DDOST: variants seen among roughly 807,000 people sequenced by gnomAD.
DDOST encodes the protein dolichyl-diphosphooligosaccharide--protein glycosyltransferase non-catalytic subunit.
A neutral mutation model predicts 47.6 loss-of-function variants in DDOST; 25 were observed. The observed-to-expected ratio is 0.53, with a 90% CI of 0.38 to 0.73. The LOEUF (loss-of-function observed/expected upper bound fraction) is 0.73. Ranked by LOEUF, DDOST falls within the 30% of genes least tolerant of loss-of-function variation. DDOST has a pLI of 0.00. For synonymous variants in DDOST, 275 were observed against 236.0 expected (o/e 1.17, Z -1.51); for missense variants, 526 against 573.9 (o/e 0.92, Z 0.85).
intron 8 of DDOST, chr1:20,653,228 A>G: frequency 3.6e-6 from 2 of 557,790 alleles, no homozygotes; most frequent in Non-Finnish European, 6.4e-6. Context: ...ATGGCCCATC[A>G]AAGTCTGGAC....
intron 6 of DDOST, 52 bp downstream of exon 6, chr1:20,654,562 T>G (rs1359218077): frequency 9.4e-6 from 14 of 1,484,408 alleles, no homozygotes; most frequent in Non-Finnish European, 1.3e-5. Flanking sequence ...CAGCCAAATG[T>G]GCTGTTCTGC....
chr1:20,661,132 C>A, intron 1 of DDOST, 65 bp downstream of exon 1: 1 of 1,554,384 alleles, frequency 6.4e-7, no homozygotes, highest in South Asian at 1.1e-5. Flanking sequence ...GGAGAGTGGT[C>A]AATGCCCTCG....
At position 20,652,647 on chromosome 1, in the gene DDOST, A is replaced by G; in HGVS notation, c.1144T>C (p.Tyr382His). 6.2e-7 allele frequency: 1 copy of G among 1,614,212 alleles called. No homozygotes were observed. Among genetic ancestry groups the G allele is most frequent in the Non-Finnish European group, 8.5e-7 (1 of 1,180,018 alleles). Residue 382 changes from tyrosine (Y) to histidine (H), a missense_variant, in exon 10 of 11, where the codon TAC (tyrosine) becomes CAC (histidine). Coordinates refer to ENST00000602624, the MANE Select transcript of DDOST (RefSeq NM_005216.5). Reference sequence around the variant, plus strand: ...TGAGTGGAAGAGTACAGGTGTGTGTAGCCTAGCCGGTTGTAATCCACTTTA... The same window carrying G: ...TGAGTGGAAGAGTACAGGTGTGTGTGGCCTAGCCGGTTGTAATCCACTTTA... ...QFKVDYNRLG[Y>H]THLYSSTQVS...
At chr1:20,655,333 T>C in intron 5 of DDOST, 107 bp downstream of exon 5, 2 of 795,900 alleles carry the variant, frequency 2.5e-6, no homozygotes, top group Non-Finnish European at 4.3e-6. Flanking sequence ...ATTAATCCCA[T>C]CTACGTACCC....
At chr1:20,655,590 A>G (rs2053363130) in intron 4 of DDOST, 56 bp from the exon 5 acceptor site, 1 of 1,589,468 alleles carries the variant, frequency 6.3e-7, no homozygotes, top group Non-Finnish European at 8.6e-7. Context: ...CAAGCCAGGG[A>G]GAACCTCCTC....
intron 8 of DDOST, 91 bp downstream of exon 8, chr1:20,653,536 G>T: frequency 7.5e-7 from 1 of 1,325,550 alleles, no homozygotes; most frequent in Non-Finnish European, 1.0e-6. Flanking sequence ...TGCCCTTTAG[G>T]CCAGCAAAGA....
intron 2 of DDOST, among the ~76,000 whole-genome samples, chr1:20,658,960 A>C (rs1189041855): frequency 6.6e-6 from 1 of 150,804 alleles, no homozygotes; most frequent in Non-Finnish European, 1.5e-5. Flanking sequence ...AGGGTCAGCA[A>C]TCCTCCCACC....
At chr1:20,654,181 G>A in intron 7 of DDOST, 42 bp downstream of exon 7, 1 of 1,548,818 alleles carries the variant, frequency 6.5e-7, no homozygotes, top group Non-Finnish European at 8.7e-7. Context: ...TACACACACT[G>A]CACCACCCGG....
rs2053362209 is a variant in DDOST, at chr1:20,655,525, T to C, written c.466A>G (p.Ile156Val). 1 of 1,614,036 alleles carries C rather than the reference T, an allele frequency of 6.2e-7. No homozygotes were observed. Among genetic ancestry groups the C allele is most frequent in the East Asian group, 2.2e-5 (1 of 44,884 alleles). Residue 156 changes from isoleucine (I) to valine (V), a missense_variant, in exon 5 of 11, where the codon ATC (isoleucine) becomes GTC (valine). Physicochemically the swap from Ile to Val is conservative, Grantham distance 29 (BLOSUM62 3). Transcript: ENST00000602624. ...AGCAGGTTCTCAGTGTCAGCCACGA[T>C]GAGCGTATGCTGCAAAGAGTAGATG... ...DISDLGQHTL[I>V]VADTENLLKA...
intron 6 of DDOST, 49 bp from the exon 7 acceptor site, chr1:20,654,420 A>G: frequency 6.5e-7 from 1 of 1,545,092 alleles, no homozygotes; most frequent in Non-Finnish European, 8.8e-7. Flanking sequence ...GTAAGGGAAA[A>G]GCTGCCACGC....
intron 8 of DDOST, 125 bp from the exon 9 acceptor site, chr1:20,653,096 C>T: frequency 8.4e-7 from 1 of 1,191,160 alleles, no homozygotes; most frequent in Non-Finnish European, 1.2e-6. Context: ...TTCAGAAGAC[C>T]TGCAGATGCC....
intron 2 of DDOST, among the ~76,000 whole-genome samples, chr1:20,659,448 T>G (rs1366252997): frequency 1.3e-5 from 2 of 152,202 alleles, no homozygotes; most frequent in African/African-American, 4.8e-5. Flanking sequence ...TTCAGGTCTT[T>G]ATTTCCTCAA....
rs543305753 is a variant in DDOST at position 20,659,164 on chromosome 1, T to C, written c.265+1717A>G. On this transcript the variant is annotated intron_variant, in intron 2 of 10. Coordinates refer to ENST00000602624, the MANE Select transcript of DDOST (RefSeq NM_005216.5). ...TAAGCTATCATACCTAGCCTTTTCT[T>C]TTTTTTTTTTTTAAGCAGGTCAATT... Among the ~76,000 whole-genome samples the C allele has an allele frequency of 2.2e-4, 5 of 22,558 alleles. No individual in the cohort carries two copies. In the South Asian group the frequency reaches 4.1e-3, roughly 18 times the overall value. The allele number at this position is 22,558 out of a possible 152,430, so 14.8% of individuals were successfully genotyped here.
At chr1:20,658,738 A>G (rs1195956082) in intron 2 of DDOST, among the ~76,000 whole-genome samples, 2 of 151,472 alleles carry the variant, frequency 1.3e-5, no homozygotes, top group African/African-American at 4.9e-5. Flanking sequence ...TTTTTATTCT[A>G]TTTATAGTTA....
chr1:20,654,374 G>A lies in DDOST; in HGVS notation c.646-3C>T. ...TTCTTCCCCACCGCATGTGGATACT[G>A]GGAACAAAACGAGGCTGTGACCCAA... On this transcript the variant is annotated splice_polypyrimidine_tract_variant and splice_region_variant and intron_variant, in intron 6 of 10. Transcript: ENST00000602624. 1 of 1,558,516 alleles carries A rather than the reference G, an allele frequency of 6.4e-7. No individual in the cohort carries two copies. The highest frequency in any genetic ancestry group is 2.4e-5 in the East Asian group (1 of 41,702).
chr1:20,655,183 T>TTTG lies in DDOST; in HGVS notation c.551+256_551+257insCAA, dbSNP rs997219834. On this transcript the variant is annotated intron_variant, in intron 5 of 10. Transcript: ENST00000602624. ...CCAACTTTTTTTTGTTTTTTTTTTT[T>TTTG]TTTTTTTTTTTTAAAGAGAGGAGTT... Among the ~76,000 whole-genome samples the TTTG allele has an allele frequency of 8.0e-5, 12 of 149,768 alleles. No individual in the cohort carries two copies. The South Asian group carries it at 2.1e-3, about 27-fold the overall frequency.
intron 5 of DDOST, 76 bp downstream of exon 5, chr1:20,655,364 C>T (rs2053359897): frequency 8.5e-7 from 1 of 1,178,558 alleles, no homozygotes; most frequent in Non-Finnish European, 1.2e-6. Flanking sequence ...ACAATTTTGC[C>T]TTGATTTCCC....
chr1:20,654,797 A>C, intron 5 of DDOST, 90 bp from the exon 6 acceptor site: 1 of 832,272 alleles, frequency 1.2e-6, no homozygotes, highest in Non-Finnish European at 2.0e-6. Context: ...CCCAGGAATG[A>C]ATCCTTTTTT....
Position 20,660,875 on chromosome 1 carries a change from C to A in DDOST, c.265+6G>T. The A allele has an allele frequency of 6.4e-7, 1 of 1,553,180 alleles. No individual in the cohort carries two copies. Among genetic ancestry groups the A allele is most frequent in the Non-Finnish European group, 8.9e-7 (1 of 1,124,890 alleles). ...TCCAGTGCTAGGGGCGACGCGGAAC[C>A]CTTACCTTCTACCGAAGGGGAGAAA... On this transcript the variant is annotated splice_donor_region_variant and intron_variant, in intron 2 of 10. Transcript: ENST00000602624.
Sources: allele counts gnomAD v4.1 joint callset (sites outside exome capture counted in the v4.1 genomes callset), GRCh38; gene constraint gnomAD v4.1.1; transcripts MANE v1.5; gene names NCBI Gene and HGNC (gene_info 2026-07-23, HGNC 2026-07-21).